The following SYN2 variants were observed in gnomAD, a reference collection of about 807,000 sequenced individuals.
The protein encoded by SYN2 is synapsin II.
In SYN2, 19 loss-of-function variants were observed where a neutral mutation model predicts 50.9. The ratio of observed to expected loss-of-function variants is 0.37; its 90% CI spans 0.26 to 0.55. The LOEUF is 0.55. Ranked by LOEUF, SYN2 falls within the 20% of genes least tolerant of loss-of-function variation. The probability of loss-of-function intolerance (pLI) is 0.81; values close to 1 mark genes in which losing one functional copy is unlikely to be tolerated. For missense variants in SYN2, 587 were observed against 576.4 expected (o/e 1.02, Z -0.19); for synonymous variants, 255 against 224.9 (o/e 1.13, Z -1.20).
intron 10 of SYN2, among the ~76,000 whole-genome samples, chr3:12,176,157 G>A (rs1287368807): frequency 2.0e-5 from 3 of 152,120 alleles, no homozygotes; most frequent in Non-Finnish European, 4.4e-5. Flanking sequence ...GGGGTCTCTT[G>A]TCTAGGATCT....
At chr3:12,044,820 CAG>C (rs1464564573) in intron 1 of SYN2, among the ~76,000 whole-genome samples, 6 of 152,102 alleles carry the variant, frequency 3.9e-5, no homozygotes, top group Non-Finnish European at 7.4e-5. Flanking sequence ...ACTTCAGAAC[CAG>C]AGAGATAAGA....
intron 6 of SYN2, 192 bp from the exon 7 acceptor site, chr3:12,161,820 G>A: frequency 3.0e-6 from 3 of 994,128 alleles, no homozygotes; most frequent in Non-Finnish European, 4.4e-6. Flanking sequence ...TGGGTCCTTT[G>A]CAGCAAGTGT....
chr3:12,191,743 C>A lies in SYN2; in HGVS notation c.*1118C>A, dbSNP rs987927562. ...CAAATAAGCACAGAACCCTTGCTCC[C>A]GGAGGAGTCAATTTAGACTCACTTG... On this transcript the variant is annotated 3_prime_UTR_variant, in exon 13 of 13. Coordinates refer to ENST00000621198, the MANE Select transcript of SYN2 (RefSeq NM_133625.6). Among the ~76,000 whole-genome samples, 1 of 152,142 alleles carries A rather than the reference C, an allele frequency of 6.6e-6. No homozygotes were observed. The highest frequency in any genetic ancestry group is 2.4e-5 in the African/African-American group (1 of 41,420).
rs189392497 is a variant in SYN2 at position 12,122,667 on chromosome 3, G to A, written c.378-17984G>A. The stretch of plus-strand genomic sequence containing the variant: ...TTCCTTTGAGAATTCATAACTACAG[G>A]CCTGTCTTCACTTGGACTTATACTA... On this transcript the variant is annotated intron_variant, in intron 1 of 12. Coordinates refer to ENST00000621198, the MANE Select transcript of SYN2 (RefSeq NM_133625.6). Among the ~76,000 whole-genome samples, 537 of 152,160 alleles carry A rather than the reference G, an allele frequency of 3.5e-3. 2 individuals carry two copies. Among genetic ancestry groups the A allele is most frequent in the African/African-American group, 0.012 (509 of 41,524 alleles).
intron 1 of SYN2, among the ~76,000 whole-genome samples, chr3:12,127,918 A>G (rs958679441): frequency 2.6e-5 from 4 of 151,716 alleles, no homozygotes; most frequent in Non-Finnish European, 4.4e-5. Context: ...TAAAAATAAA[A>G]CTCCCTTGTG....
At chr3:12,143,810 G>T (rs1463251832) in intron 3 of SYN2, among the ~76,000 whole-genome samples, 1 of 152,138 alleles carries the variant, frequency 6.6e-6, no homozygotes, top group Admixed American at 6.5e-5. Flanking sequence ...CTCAGTAATG[G>T]TATTGCTGGG....
At chr3:12,099,820 C>G (rs1234419601) in intron 1 of SYN2, among the ~76,000 whole-genome samples, 1 of 151,630 alleles carries the variant, frequency 6.6e-6, no homozygotes, top group South Asian at 2.1e-4. Flanking sequence ...AAAAACTTAG[C>G]CGGGCGTAGT....
At chr3:12,127,170 A>G (rs138215425) in intron 1 of SYN2, among the ~76,000 whole-genome samples, 1 of 152,182 alleles carries the variant, frequency 6.6e-6, no homozygotes, top group African/African-American at 2.4e-5. Flanking sequence ...AACCAGCTTG[A>G]GTTGGTTTTT....
At chr3:12,139,759 C>T (rs910579328) in intron 1 of SYN2, among the ~76,000 whole-genome samples, 1 of 152,182 alleles carries the variant, frequency 6.6e-6, no homozygotes, top group Non-Finnish European at 1.5e-5. Context: ...GCAAGCTCAA[C>T]TTACCTAACA....
At chr3:12,183,288 A>G in intron 10 of SYN2, 24 bp from the exon 11 acceptor site, 1 of 1,583,412 alleles carries the variant, frequency 6.3e-7, no homozygotes, top group Non-Finnish European at 8.5e-7. Flanking sequence ...TTTTGTTTTT[A>G]TCTCTTACAT....
chr3:12,169,030 G>A (rs762054714), intron 9 of SYN2, among the ~76,000 whole-genome samples: 12 of 152,316 alleles, frequency 7.9e-5, no homozygotes, highest in Middle Eastern at 3.4e-3. Context: ...CTAGGAGTTG[G>A]TGGTATTTCC....
intron 1 of SYN2, among the ~76,000 whole-genome samples, chr3:12,127,719 G>A (rs1427896543): frequency 6.6e-6 from 1 of 152,190 alleles, no homozygotes; most frequent in Non-Finnish European, 1.5e-5. Context: ...GCTGCGCCAT[G>A]GTGGTGAGTA....
At chr3:12,112,288 G>A (rs930443700) in intron 1 of SYN2, among the ~76,000 whole-genome samples, 1 of 152,074 alleles carries the variant, frequency 6.6e-6, no homozygotes, top group Non-Finnish European at 1.5e-5. Context: ...TTCTTTGAGG[G>A]TATTCCTGGC....
chr3:12,048,057 C>A (rs569721177), intron 1 of SYN2, among the ~76,000 whole-genome samples: 1 of 152,240 alleles, frequency 6.6e-6, no homozygotes, highest in South Asian at 2.1e-4. Context: ...TTGTTTGTTT[C>A]TAGGGTTTTG....
intron 5 of SYN2, chr3:12,153,671 A>AAC (rs1697371030): frequency 1.2e-6 from 2 of 1,614,098 alleles, no homozygotes. Context: ...GGCACTCGTT[A>AAC]GGGGCCGAGA....
In SYN2 at chr3:12,169,860, C is replaced by T; in HGVS notation, c.1262C>T (p.Thr421Ile). Residue 421 changes from threonine to isoleucine, a missense_variant, in exon 10 of 13, where the codon ACT becomes ATT. Coordinates refer to ENST00000621198, the MANE Select transcript of SYN2 (RefSeq NM_133625.6). ...AAGATGAACCAGCTGCTGTCCAGGA[C>T]TCCTGCCCTGTCTCCTCAGAGACCC... ...ISKMNQLLSR[T>I]PALSPQRPLT... 2 of 1,613,356 alleles carry T rather than the reference C, an allele frequency of 1.2e-6. No individual in the cohort carries two copies. Among genetic ancestry groups the T allele is most frequent in the South Asian group, 1.1e-5 (1 of 90,922 alleles).
intron 1 of SYN2, among the ~76,000 whole-genome samples, chr3:12,041,704 T>A (rs1017241701): frequency 3.3e-5 from 5 of 152,210 alleles, no homozygotes; most frequent in Admixed American, 2.6e-4. Context: ...CATAAAGCCC[T>A]GCTTTCATCA....
intron 1 of SYN2, among the ~76,000 whole-genome samples, chr3:12,108,284 A>G (rs1377680276): frequency 1.3e-5 from 2 of 152,208 alleles, no homozygotes; most frequent in East Asian, 3.9e-4. Flanking sequence ...GCTTATGACA[A>G]TTGGAGAATC....
intron 1 of SYN2, among the ~76,000 whole-genome samples, chr3:12,018,344 A>G (rs1385483905): frequency 6.6e-6 from 1 of 152,210 alleles, no homozygotes; most frequent in Non-Finnish European, 1.5e-5. Context: ...GTTGGCATAA[A>G]GGTTTCAGGG....
Sources: allele counts gnomAD v4.1 joint callset (sites outside exome capture counted in the v4.1 genomes callset), GRCh38; gene constraint gnomAD v4.1.1; transcripts MANE v1.5; gene names NCBI Gene and HGNC (gene_info 2026-07-23, HGNC 2026-07-21).